PROM1: variants seen among roughly 807,000 people sequenced by gnomAD.
PROM1 encodes the protein prominin 1, also known as prominin-1.
Under a neutral mutation model 116.9 loss-of-function variants are expected in PROM1, and 105 were observed. That is an observed-to-expected ratio of 0.90 (90% CI 0.77 to 1.06). PROM1 has a LOEUF of 1.06. Ranked by LOEUF, PROM1 falls within the 50% of genes least tolerant of loss-of-function variation. The pLI is 0.00. For synonymous variants in PROM1, 393 were observed against 387.0 expected (o/e 1.02, Z -0.18); for missense variants, 1,122 against 1,045.2 (o/e 1.07, Z -1.01).
At chr4:15,978,068 T>C (rs1716689159) in intron 26 of PROM1, among the ~76,000 whole-genome samples, 1 of 152,176 alleles carries the variant, frequency 6.6e-6, no homozygotes, top group African/African-American at 2.4e-5. Context: ...AGGAGCCAGC[T>C]TGCCCTTTCC....
In PROM1 at chr4:16,076,084, T is replaced by C; in HGVS notation, c.-178A>G. On this transcript the variant is annotated 5_prime_UTR_variant, in exon 2 of 28. Transcript: ENST00000447510. ...TTGAGGCGAGGGATGCGGAAGAATG[T>C]TCTCCAAGGGGGTCATTCACTCAAG... 7.7e-7 allele frequency: 1 copy of C among 1,305,724 alleles called. No individual in the cohort carries two copies. Among genetic ancestry groups the C allele is most frequent in the East Asian group, 2.5e-5 (1 of 39,216 alleles). The allele number at this position is 1,305,724 out of a possible 1,614,324, so 80.9% of individuals were successfully genotyped here. A position where few individuals can be genotyped will look rare whatever the true frequency, so the allele number is the denominator to read the frequency against.
chr4:16,022,340 A>G (rs1490720902), intron 8 of PROM1, among the ~76,000 whole-genome samples: 1 of 152,176 alleles, frequency 6.6e-6, no homozygotes, highest in Non-Finnish European at 1.5e-5. Context: ...TCAACAACAG[A>G]GGATGTTGTT....
At chr4:16,046,965 G>A (rs1333330505) in intron 2 of PROM1, among the ~76,000 whole-genome samples, 1 of 152,198 alleles carries the variant, frequency 6.6e-6, no homozygotes, top group Non-Finnish European at 1.5e-5. Flanking sequence ...TGTCTGTCAT[G>A]GTTCCCTAGA....
intron 26 of PROM1, among the ~76,000 whole-genome samples, chr4:15,977,090 C>A (rs1182877982): frequency 1.3e-5 from 2 of 152,160 alleles, no homozygotes; most frequent in Non-Finnish European, 2.9e-5. Context: ...GACTTCTCCC[C>A]CTTTTTTTCA....
intron 2 of PROM1, among the ~76,000 whole-genome samples, chr4:16,050,666 T>G (rs1467590180): frequency 1.3e-5 from 2 of 152,252 alleles, no homozygotes; most frequent in Non-Finnish European, 1.5e-5. Context: ...TAATCCAGGC[T>G]ATTTTAAAAC....
intron 27 of PROM1, among the ~76,000 whole-genome samples, chr4:15,970,235 G>A (rs1316930407): frequency 4.8e-5 from 7 of 145,326 alleles, no homozygotes; most frequent in African/African-American, 1.3e-4. Flanking sequence ...GTGTGATCTC[G>A]GCTCACTGCA....
chr4:15,997,440 T>C (rs1209619606), intron 15 of PROM1, among the ~76,000 whole-genome samples: 1 of 150,424 alleles, frequency 6.6e-6, no homozygotes. Flanking sequence ...GGAGTTGTTA[T>C]ATATATATAT....
chr4:15,992,458 A>C, intron 16 of PROM1, 67 bp from the exon 17 acceptor site: 1 of 1,534,862 alleles, frequency 6.5e-7, no homozygotes, highest in South Asian at 1.2e-5. Flanking sequence ...AAATGCTTTA[A>C]AAGAGCAATA....
At position 16,033,458 on chromosome 4, in the gene PROM1, A is replaced by ACAG; in HGVS notation, c.352_354dup (p.Leu118dup). The ACAG allele has an allele frequency of 6.2e-7, 1 of 1,613,224 alleles. No homozygotes were observed. Among genetic ancestry groups the ACAG allele is most frequent in the Non-Finnish European group, 8.5e-7 (1 of 1,179,474 alleles). ...CCCACCAGAGGCATCAGAATAATAA[A>ACAG]CAGCAGCCCCAGGACACAGCATAGA... On this transcript the variant is annotated inframe_insertion, in exon 5 of 28. Transcript: ENST00000447510.
At chr4:15,998,637 A>T in intron 14 of PROM1, 149 bp from the exon 15 acceptor site, 1 of 851,022 alleles carries the variant, frequency 1.2e-6, no homozygotes, top group Non-Finnish European at 1.6e-6. Flanking sequence ...ACTAGAAAAT[A>T]ATAGTATAAT....
intron 5 of PROM1, among the ~76,000 whole-genome samples, chr4:16,025,789 TGGTTAA>T (rs549169375): frequency 9.1e-4 from 139 of 152,176 alleles, no homozygotes; most frequent in African/African-American, 3.2e-3. Flanking sequence ...AACATCAAAA[TGGTTAA>T]GAGTACTTGG....
rs1173205397 is a variant in PROM1, at chr4:15,987,631, A to G, written c.2130+32T>C. On this transcript the variant is annotated intron_variant, in intron 20 of 27. Transcript: ENST00000447510. The stretch of plus-strand genomic sequence containing the variant: ...TCTTTGTGTGGTATTTTATAACAAA[A>G]CCCCATGACAGAAAACAAAGTAAAC... 7 of 1,590,136 alleles carry G rather than the reference A, an allele frequency of 4.4e-6. No individual in the cohort carries two copies. In the Admixed American group the frequency reaches 8.7e-5, roughly 20 times the overall value.
At chr4:16,049,684 G>A (rs150003811) in intron 2 of PROM1, among the ~76,000 whole-genome samples, 279 of 151,628 alleles carry the variant, frequency 1.8e-3, no homozygotes, top group Non-Finnish European at 3.0e-3. Flanking sequence ...AGTCATAATT[G>A]TACTGAATAA....
chr4:15,989,721 T>A lies in PROM1; in HGVS notation c.2076+11A>T, dbSNP rs771612815. The A allele has an allele frequency of 1.9e-6, 3 of 1,582,554 alleles. No individual in the cohort carries two copies. Among genetic ancestry groups the A allele is most frequent in the Non-Finnish European group, 2.6e-6 (3 of 1,157,820 alleles). On this transcript the variant is annotated intron_variant, in intron 19 of 27. Coordinates refer to ENST00000447510, the MANE Select transcript of PROM1 (RefSeq NM_006017.3). ...GGTCACAGTGAAATACAATACGTCGTTGACTGTTACCAGTGATTGTTCTAT... is the reference window on the plus strand; with the variant it reads ...GGTCACAGTGAAATACAATACGTCGATGACTGTTACCAGTGATTGTTCTAT...
intron 2 of PROM1, among the ~76,000 whole-genome samples, chr4:16,061,002 C>G (rs1372531540): frequency 6.6e-6 from 1 of 152,124 alleles, no homozygotes; most frequent in Non-Finnish European, 1.5e-5. Flanking sequence ...TGTCCCTTGC[C>G]CCTGAGCTCT....
chr4:15,970,153 A>T (rs1235158008), intron 27 of PROM1, among the ~76,000 whole-genome samples: 2 of 149,010 alleles, frequency 1.3e-5, no homozygotes, highest in Non-Finnish European at 3.0e-5. Flanking sequence ...CTAAAAAAAC[A>T]CTTTCTTTTC....
chr4:16,003,664 C>T (rs1724461628), intron 13 of PROM1, among the ~76,000 whole-genome samples: 2 of 152,160 alleles, frequency 1.3e-5, no homozygotes, highest in East Asian at 3.9e-4. Flanking sequence ...CTAAAATGCT[C>T]CTGGGGCCAG....
At chr4:16,007,550 T>C (rs1381512450) in intron 12 of PROM1, among the ~76,000 whole-genome samples, 2 of 152,182 alleles carry the variant, frequency 1.3e-5, no homozygotes, top group Non-Finnish European at 2.9e-5. Flanking sequence ...AGGCAGCCAT[T>C]CTGGGGAGGT....
chr4:15,994,196 C>T, intron 15 of PROM1, 125 bp from the exon 16 acceptor site: 1 of 1,500,994 alleles, frequency 6.7e-7, no homozygotes, highest in Non-Finnish European at 8.9e-7. Context: ...AGAAGTGGGG[C>T]TGCATGTCCC....
Sources: allele counts gnomAD v4.1 joint callset (sites outside exome capture counted in the v4.1 genomes callset), GRCh38; gene constraint gnomAD v4.1.1; transcripts MANE v1.5; gene names NCBI Gene and HGNC (gene_info 2026-07-23, HGNC 2026-07-21).